The following UPK3BL2 variants were observed in gnomAD, a reference collection of about 807,000 sequenced individuals.
UPK3BL2 encodes the protein uroplakin 3B like 2, also known as uroplakin-3b-like protein 2.
UPK3BL2 carries 1 observed loss-of-function variant against 11.3 expected under a neutral mutation model. That is an observed-to-expected ratio of 0.09 (90% CI 0.03 to 0.42). The LOEUF (loss-of-function observed/expected upper bound fraction) is 0.42. UPK3BL2 is among the 10% of genes least tolerant of loss of function. UPK3BL2 has a pLI of 0.98.
At chr7:102,540,857 A>AAAAAC (rs1800229093) in intron 3 of UPK3BL2, among the ~76,000 whole-genome samples, 1 of 92,288 alleles carries the variant, frequency 1.1e-5, no homozygotes, top group Non-Finnish European at 2.2e-5. Context: ...AAACAAAACA[A>AAAAAC]AAAAAAAAAA....
intron 1 of UPK3BL2, chr7:102,542,459 C>T (rs1465038943): frequency 1.0e-6 from 1 of 984,644 alleles, no homozygotes. Context: ...CAGACCTCCC[C>T]AACCCCAAAT....
intron 3 of UPK3BL2, among the ~76,000 whole-genome samples, chr7:102,540,877 G>A (rs4729824): frequency 0.082 from 5,195 of 63,558 alleles, 9 homozygotes; most frequent in Non-Finnish European, 0.1. Context: ...AAAAAAAAAA[G>A]AAGAAAAGGA....
At chr7:102,540,859 A>AAAAAAC in intron 3 of UPK3BL2, among the ~76,000 whole-genome samples, 1 of 113,914 alleles carries the variant, frequency 8.8e-6, no homozygotes, top group African/African-American at 3.2e-5. Context: ...ACAAAACAAA[A>AAAAAAC]AAAAAAAAAA....
chr7:102,540,886 GAAAAAAAAAAAAAA>G (rs1800242431), intron 3 of UPK3BL2, among the ~76,000 whole-genome samples, 193 bp downstream of exon 3: 1 of 73,326 alleles, frequency 1.4e-5, no homozygotes. Context: ...AGAAGAAAAG[GAAAAAAAAAAAAAA>G]GAGAAGAAGG....
rs1479651896 is a variant in UPK3BL2 at position 102,540,855 on chromosome 7, C to CAAAACAAAAAAA, written c.485+237_485+238insTTTTTTTGTTTT. Among the ~76,000 whole-genome samples, 63 of 61,248 alleles carry CAAAACAAAAAAA rather than the reference C, an allele frequency of 1.0e-3. 1 individual carries two copies. Among genetic ancestry groups the CAAAACAAAAAAA allele is most frequent in the Non-Finnish European group, 1.7e-3 (46 of 26,732 alleles). 40.2% of individuals were successfully genotyped at this position (61,248 alleles called of 152,430 possible). On this transcript the variant is annotated intron_variant, in intron 3 of 5. Transcript: ENST00000644544. ...CAAGACTCCATCTCAAAAAACAAAA[C>CAAAACAAAAAAA]AAAAAAAAAAAAAAAAAAAAAGAAG...
chr7:102,543,296 T>TAAAA (rs767375255), intron 1 of UPK3BL2, among the ~76,000 whole-genome samples: 1 of 123,094 alleles, frequency 8.1e-6, no homozygotes, highest in Non-Finnish European at 1.8e-5. Context: ...ACAAAAATCT[T>TAAAA]AAAAAAAAAA....
intron 3 of UPK3BL2, among the ~76,000 whole-genome samples, chr7:102,540,855 C>CAAAAAAAAAAAAAAAAAA (rs1158192702): frequency 1.8e-4 from 11 of 61,246 alleles, no homozygotes; most frequent in East Asian, 4.1e-4. Flanking sequence ...AAAAACAAAA[C>CAAAAAAAAAAAAAAAAAA]AAAAAAAAAA....
chr7:102,540,934 C>T (rs1800247433), intron 3 of UPK3BL2, among the ~76,000 whole-genome samples, 159 bp downstream of exon 3: 1 of 133,428 alleles, frequency 7.5e-6, no homozygotes, highest in Non-Finnish European at 1.7e-5. Context: ...TTCATGAAGG[C>T]CTCCCTAGCC....
At chr7:102,540,855 C>CAAAACAAGAAAAA (rs1479651896) in intron 3 of UPK3BL2, among the ~76,000 whole-genome samples, 1 of 61,266 alleles carries the variant, frequency 1.6e-5, no homozygotes, top group Non-Finnish European at 3.7e-5. Flanking sequence ...AAAAACAAAA[C>CAAAACAAGAAAAA]AAAAAAAAAA....
At chr7:102,538,101 G>A (rs1586797473), downstream of UPK3BL2, 1 of 27,144 alleles carries the variant, frequency 3.7e-5, no homozygotes, top group Admixed American at 7.4e-4. Context: ...GGCCATCCTG[G>A]CCAACATGGT....
intron 1 of UPK3BL2, among the ~76,000 whole-genome samples, chr7:102,542,986 A>G: frequency 6.6e-6 from 1 of 151,066 alleles, no homozygotes; most frequent in Non-Finnish European, 1.5e-5. Flanking sequence ...TGACAGTGGG[A>G]GACTCTGTCT....
chr7:102,540,855 C>CAAAACAAAACAAAAA (rs1479651896), intron 3 of UPK3BL2, among the ~76,000 whole-genome samples: 22 of 61,262 alleles, frequency 3.6e-4, no homozygotes, highest in Non-Finnish European at 6.0e-4. Flanking sequence ...AAAAACAAAA[C>CAAAACAAAACAAAAA]AAAAAAAAAA....
intron 3 of UPK3BL2, among the ~76,000 whole-genome samples, chr7:102,540,855 CAA>C (rs1158192702): frequency 7.2e-3 from 440 of 61,094 alleles, no homozygotes; most frequent in South Asian, 0.041. Flanking sequence ...AAAAACAAAA[CAA>C]AAAAAAAAAA....
intron 3 of UPK3BL2, among the ~76,000 whole-genome samples, chr7:102,540,862 AAAAAAAAAAAAAAAGAAGAAAAGG>A (rs1800231480): frequency 4.0e-5 from 5 of 125,938 alleles, no homozygotes; most frequent in African/African-American, 1.4e-4. Context: ...AAACAAAAAA[AAAAAAAAAAAAAAAGAAGAAAAGG>A]AAAAAAAAAA....
chr7:102,540,855 C>CAAAAAAAAAAAAAAAAAAAAA (rs1158192702), intron 3 of UPK3BL2, among the ~76,000 whole-genome samples: 8 of 61,254 alleles, frequency 1.3e-4, no homozygotes, highest in East Asian at 4.1e-4. Context: ...AAAAACAAAA[C>CAAAAAAAAAAAAAAAAAAAAA]AAAAAAAAAA....
chr7:102,540,861 A>T (rs1287271057), intron 3 of UPK3BL2, among the ~76,000 whole-genome samples: 2 of 125,210 alleles, frequency 1.6e-5, no homozygotes, highest in African/African-American at 6.4e-5. Context: ...AAAACAAAAA[A>T]AAAAAAAAAA....
chr7:102,543,671 C>T lies in UPK3BL2; in HGVS notation c.-35G>A, dbSNP rs1238615666. On this transcript the variant is annotated 5_prime_UTR_variant, in exon 1 of 6. Transcript: ENST00000644544. Reference sequence around the variant, plus strand: ...CGTCCGTCTGCAGTGTCTGCAGCCCCAGAGGCTCCCCTGTCTGTAGTCTGT... The same window carrying T: ...CGTCCGTCTGCAGTGTCTGCAGCCCTAGAGGCTCCCCTGTCTGTAGTCTGT... The T allele has an allele frequency of 2.3e-4, 13 of 56,672 alleles. No homozygotes were observed. The African/African-American group carries it at 2.6e-3, about 11-fold the overall frequency. 3.5% of individuals were successfully genotyped at this position (56,672 alleles called of 1,614,324 possible). A position where few individuals can be genotyped will look rare whatever the true frequency, so the allele number is the denominator to read the frequency against.
At chr7:102,540,887 A>C (rs1468003404) in intron 3 of UPK3BL2, among the ~76,000 whole-genome samples, 653 of 46,486 alleles carry the variant, frequency 0.014, 1 homozygote, top group African/African-American at 0.043. Context: ...GAAGAAAAGG[A>C]AAAAAAAAAA....
intron 3 of UPK3BL2, among the ~76,000 whole-genome samples, chr7:102,540,877 G>GAAA (rs1800237802): frequency 8.8e-5 from 6 of 68,328 alleles, no homozygotes; most frequent in East Asian, 4.5e-4. Context: ...AAAAAAAAAA[G>GAAA]AAGAAAAGGA....
Sources: allele counts gnomAD v4.1 joint callset (sites outside exome capture counted in the v4.1 genomes callset), GRCh38; gene constraint gnomAD v4.1.1; transcripts MANE v1.5; gene names NCBI Gene and HGNC (gene_info 2026-07-23, HGNC 2026-07-21).